Variants in KALRN observed in about 807,000 individuals in gnomAD.
KALRN encodes kalirin.
A neutral mutation model predicts 353.7 loss-of-function variants in KALRN; 70 were observed. The ratio of observed to expected loss-of-function variants is 0.20; its 90% CI spans 0.16 to 0.24. KALRN has a LOEUF of 0.24. Among genes scored for constraint, KALRN ranks in the 10% least tolerant of loss-of-function variants. The pLI is 1.00. For synonymous variants in KALRN, 1,391 were observed against 1,434.8 expected (o/e 0.97, Z 0.69); for missense variants, 2,791 against 3,756.7 (o/e 0.74, Z 6.72).
chr3:124,708,761 A>C (rs80003343), intron 57 of KALRN, among the ~76,000 whole-genome samples: 24,974 of 152,100 alleles, frequency 0.16, 2,386 homozygotes, highest in Middle Eastern at 0.22. Context: ...AAAAGACACA[A>C]ATTTTTAAAG....
At chr3:124,572,987 C>T (rs1248749105) in intron 34 of KALRN, among the ~76,000 whole-genome samples, 1 of 152,012 alleles carries the variant, frequency 6.6e-6, no homozygotes, top group African/African-American at 2.4e-5. Flanking sequence ...CAGTGAGCTG[C>T]CATTGAGCCA....
Position 124,430,795 on chromosome 3 carries a change from G to A in KALRN, c.2829+20G>A. ...ATCGAGGTAACACCCAAATCTGGCT[G>A]CACTGTCCTCCCTTCGCCTTTCTGC... is the stretch of plus-strand genomic sequence containing the variant. On this transcript the variant is annotated intron_variant, in intron 16 of 59. Coordinates refer to ENST00000682506, the MANE Select transcript of KALRN (RefSeq NM_001388419.1). 1 of 1,611,682 alleles carries A rather than the reference G, an allele frequency of 6.2e-7. No individual in the cohort carries two copies. The highest frequency in any genetic ancestry group is 8.5e-7 in the Non-Finnish European group (1 of 1,179,070).
intron 33 of KALRN, among the ~76,000 whole-genome samples, chr3:124,514,521 C>T (rs2066321073): frequency 6.6e-6 from 1 of 152,186 alleles, no homozygotes; most frequent in African/African-American, 2.4e-5. Context: ...TAATATGAGC[C>T]TGGCATTTTA....
intron 1 of KALRN, among the ~76,000 whole-genome samples, chr3:124,147,493 A>T (rs1193542728): frequency 6.6e-6 from 1 of 152,184 alleles, no homozygotes; most frequent in Non-Finnish European, 1.5e-5. Context: ...TTGTCCTGTC[A>T]GTAGCTTGTG....
At chr3:124,418,916 T>G (rs994560870) in intron 14 of KALRN, among the ~76,000 whole-genome samples, 5 of 151,882 alleles carry the variant, frequency 3.3e-5, no homozygotes, top group Non-Finnish European at 5.9e-5. Context: ...TGGTCTGGGG[T>G]GTGGTTAGGA....
chr3:124,586,211 G>T (rs892712862), intron 34 of KALRN, among the ~76,000 whole-genome samples: 1 of 152,190 alleles, frequency 6.6e-6, no homozygotes, highest in Non-Finnish European at 1.5e-5. Flanking sequence ...CAAAACCAAG[G>T]CTGGGAATTG....
intron 34 of KALRN, among the ~76,000 whole-genome samples, chr3:124,597,747 A>G (rs776861230): frequency 7.2e-5 from 11 of 152,130 alleles, no homozygotes; most frequent in Non-Finnish European, 1.5e-4. Context: ...TATATATTGA[A>G]ATGATATTTG....
At chr3:124,618,395 G>A (rs894559140) in intron 34 of KALRN, among the ~76,000 whole-genome samples, 12 of 152,136 alleles carry the variant, frequency 7.9e-5, no homozygotes, top group East Asian at 5.8e-4. Flanking sequence ...GATTATAGGC[G>A]TGAGCCACCG....
At chr3:124,656,818 AT>A (rs796583580) in intron 39 of KALRN, among the ~76,000 whole-genome samples, 59 of 152,252 alleles carry the variant, frequency 3.9e-4, no homozygotes, top group Admixed American at 7.2e-4. Flanking sequence ...ACGGAAAGTT[AT>A]TCTTGTCTTT....
chr3:124,339,398 G>A (rs1163829921), intron 9 of KALRN, among the ~76,000 whole-genome samples: 1 of 152,220 alleles, frequency 6.6e-6, no homozygotes, highest in Non-Finnish European at 1.5e-5. Flanking sequence ...TTTCTGCTGA[G>A]CCCTCTCAGA....
rs955412517 is a variant in KALRN at position 124,316,927 on chromosome 3, C to A, written c.1093-9053C>A. Among the ~76,000 whole-genome samples, 11 of 152,282 alleles carry A rather than the reference C, an allele frequency of 7.2e-5. 1 individual carries two copies. The highest frequency in any genetic ancestry group is 2.6e-4 in the Admixed American group (4 of 15,294). ...AGATATTGATGAAAGCAAAGAGTTG[C>A]CTTAATCTTGAACTTTCTTGCGGTT... On this transcript the variant is annotated intron_variant, in intron 6 of 59. Coordinates refer to ENST00000682506, the MANE Select transcript of KALRN (RefSeq NM_001388419.1).
At chr3:124,056,602 A>G (rs1271078085) in intron 1 of KALRN, among the ~76,000 whole-genome samples, 1 of 152,052 alleles carries the variant, frequency 6.6e-6, no homozygotes, top group Non-Finnish European at 1.5e-5. Context: ...GCTTATCTCA[A>G]CTCTGGGAAA....
Position 124,514,165 on chromosome 3 carries a change from G to C in KALRN, c.4935+17752G>C, listed in dbSNP as rs559211934. 2.6e-5 allele frequency among the ~76,000 whole-genome samples: 4 copies of C among 152,256 alleles called. No individual in the cohort carries two copies. In the East Asian group the frequency reaches 7.7e-4, roughly 29 times the overall value. On this transcript the variant is annotated intron_variant, in intron 33 of 59. Transcript: ENST00000682506. ...ATGGCTGCATCAAGTGATATTTCCA[G>C]TCTGGGCTCTGGTTTGAAACCTGAG...
At chr3:124,708,748 G>A (rs75771831) in intron 57 of KALRN, among the ~76,000 whole-genome samples, 1 of 151,594 alleles carries the variant, frequency 6.6e-6, no homozygotes, top group Non-Finnish European at 1.5e-5. Context: ...TCCCAAATTT[G>A]GTAAAAGACA....
chr3:124,271,315 C>A (rs747020908), intron 5 of KALRN, among the ~76,000 whole-genome samples: 4 of 152,082 alleles, frequency 2.6e-5, no homozygotes, highest in Admixed American at 2.6e-4. Flanking sequence ...TTCATGGTAT[C>A]CCTCAGGCTC....
chr3:124,434,982 T>G (rs1186745565), intron 17 of KALRN, among the ~76,000 whole-genome samples: 1 of 152,250 alleles, frequency 6.6e-6, no homozygotes, highest in South Asian at 2.1e-4. Flanking sequence ...TGTTCCCATG[T>G]CTCTTGTCCT....
chr3:124,497,176 G>A (rs920426036), intron 33 of KALRN, among the ~76,000 whole-genome samples: 2 of 152,184 alleles, frequency 1.3e-5, no homozygotes, highest in Admixed American at 1.3e-4. Flanking sequence ...TTTGTAGCAG[G>A]GGGAGGAAAG....
intron 2 of KALRN, among the ~76,000 whole-genome samples, chr3:124,232,513 T>C (rs1697943895): frequency 6.6e-6 from 1 of 152,164 alleles, no homozygotes; most frequent in Admixed American, 6.5e-5. Flanking sequence ...GGCAGCCCCA[T>C]CTGCTGTGGG....
chr3:124,050,774 T>G (rs900438953), intron 1 of KALRN, among the ~76,000 whole-genome samples: 4 of 152,100 alleles, frequency 2.6e-5, no homozygotes, highest in Non-Finnish European at 5.9e-5. Context: ...AATGGTCAAG[T>G]CCACCCAGGC....
Sources: allele counts gnomAD v4.1 joint callset (sites outside exome capture counted in the v4.1 genomes callset), GRCh38; gene constraint gnomAD v4.1.1; transcripts MANE v1.5; gene names NCBI Gene and HGNC (gene_info 2026-07-23, HGNC 2026-07-21).